The following CTR9 variants were observed in gnomAD, a reference collection of about 807,000 sequenced individuals.
The protein encoded by CTR9 is CTR9 component of Paf1/RNA polymerase II complex.
In CTR9, 41 loss-of-function variants were observed where a neutral mutation model predicts 152.1. That is an observed-to-expected ratio of 0.27 (90% confidence interval 0.21 to 0.35). CTR9 has a LOEUF of 0.35. Ranked by LOEUF, CTR9 falls within the 10% of genes least tolerant of loss-of-function variation. The pLI, the probability that CTR9 is intolerant of heterozygous loss-of-function variation, is 1.00. For synonymous variants in CTR9, 476 were observed against 496.2 expected, an observed-to-expected ratio of 0.96 and a Z score of 0.54; for missense variants, 917 against 1,424.4, an observed-to-expected ratio of 0.64 and a Z score of 5.73.
At chr11:10,755,823 A>T in intron 4 of CTR9, 28 bp downstream of exon 4, 1 of 1,414,630 alleles carries the variant, frequency 7.1e-7, no homozygotes, top group South Asian at 1.2e-5. Context: ...ACATGTTAGG[A>T]AACAGTTGTT....
intron 5 of CTR9, 81 bp from the exon 6 acceptor site, chr11:10,760,092 A>G: frequency 1.3e-6 from 2 of 1,510,402 alleles, no homozygotes; most frequent in Non-Finnish European, 1.8e-6. Flanking sequence ...GCAACTCATA[A>G]ATAGAGAATG....
At chr11:10,772,230 C>T (rs897633890) in intron 19 of CTR9, among the ~76,000 whole-genome samples, 5 of 151,992 alleles carry the variant, frequency 3.3e-5, no homozygotes, top group African/African-American at 1.2e-4. Flanking sequence ...TGGTGCACAC[C>T]TGTAATCCCA....
In CTR9 at chr11:10,771,521, GAAGTA is replaced by G. The variant is rs747560961; in HGVS notation, c.2373-23_2373-19del. On this transcript the variant is annotated intron_variant, in intron 18 of 24. Coordinates refer to ENST00000361367, the MANE Select transcript of CTR9 (RefSeq NM_014633.5). ...CATTAGAATCTCTTTTTTTAAAAGTGAAGTATTTTCTCGTTTCATTTAGATACTTC... is the reference window on the plus strand; with the variant it reads ...CATTAGAATCTCTTTTTTTAAAAGTGTTTTCTCGTTTCATTTAGATACTTC... 18 of 1,463,176 alleles carry G rather than the reference GAAGTA, an allele frequency of 1.2e-5. No homozygotes were observed. Among genetic ancestry groups the G allele is most frequent in the Admixed American group, 6.9e-5 (4 of 58,330 alleles). 90.6% of individuals were successfully genotyped at this position (1,463,176 alleles called of 1,614,324 possible).
intron 12 of CTR9, 140 bp from the exon 13 acceptor site, chr11:10,766,262 A>C (rs1376965229): frequency 3.1e-6 from 2 of 650,274 alleles, no homozygotes; most frequent in Non-Finnish European, 5.3e-6. Context: ...TGGATGATTG[A>C]TATTTTTTCA....
At chr11:10,765,754 G>T (rs1398467971) in intron 12 of CTR9, among the ~76,000 whole-genome samples, 1 of 152,166 alleles carries the variant, frequency 6.6e-6, no homozygotes, top group Non-Finnish European at 1.5e-5. Flanking sequence ...GAGCCACCGT[G>T]CCCGGCATAT....
Position 10,751,321 on chromosome 11 carries a change from G to A in CTR9, c.-92G>A, listed in dbSNP as rs1862796482. 6.5e-6 allele frequency: 9 copies of A among 1,375,012 alleles called. No individual in the cohort carries two copies. The highest frequency in any genetic ancestry group is 1.7e-5 in the Admixed American group (1 of 59,032). 85.2% of individuals were successfully genotyped at this position (1,375,012 alleles called of 1,614,324 possible). ...CGGGGCGGCAGTCAAGACCAGAGCC[G>A]GAGCCGTCACTCACCTCTGGATTAG... is the stretch of plus-strand genomic sequence containing the variant. On this transcript the variant is annotated 5_prime_UTR_variant, in exon 1 of 25. Transcript: ENST00000361367.
At chr11:10,763,949 G>T (rs1863018164) in intron 9 of CTR9, 70 bp downstream of exon 9, 2 of 1,341,446 alleles carry the variant, frequency 1.5e-6, no homozygotes, top group Admixed American at 4.1e-5. Flanking sequence ...CTCATTTCCT[G>T]TTATTGCTAG....
rs115427194 is a variant in CTR9 at position 10,770,395 on chromosome 11, G to A, written c.2226+69G>A. ...TGTATTTTTTAATTCTTCGTGATGC[G>A]TGTTCACATACCTACTACTTAATAA... On this transcript the variant is annotated intron_variant, in intron 17 of 24. Transcript: ENST00000361367. 1.4e-3 allele frequency: 2,150 copies of A among 1,568,420 alleles called. 35 individuals carry two copies. In the African/African-American group the frequency reaches 0.026, roughly 19 times the overall value.
At position 10,764,424 on chromosome 11, in the gene CTR9, A is replaced by G; in HGVS notation, c.1401A>G (p.Leu467=). ...VGALHFRLGN[L]GEAKKYFLAS... ...CCCTCCATTTTAGACTTGGAAACCT[A>G]GGGGAGGCTAAGGTAGGAAAATAGA... Residue 467 remains leucine (L), a synonymous_variant, in exon 11 of 25, where the codon CTA becomes CTG. Transcript: ENST00000361367. 1 of 1,613,738 alleles carries G rather than the reference A, an allele frequency of 6.2e-7. No individual in the cohort carries two copies.
At chr11:10,766,527 A>G in intron 13 of CTR9, 37 bp downstream of exon 13, 4 of 1,419,538 alleles carry the variant, frequency 2.8e-6, no homozygotes, top group Non-Finnish European at 1.9e-6. Context: ...AGAAATAATT[A>G]TTTTCACTTT....
At chr11:10,768,720 A>G (rs1863097463) in intron 16 of CTR9, among the ~76,000 whole-genome samples, 1 of 152,180 alleles carries the variant, frequency 6.6e-6, no homozygotes, top group South Asian at 2.1e-4. Flanking sequence ...ATCCTTTCTG[A>G]GCCAGTTTTC....
Position 10,768,326 on chromosome 11 carries a change from C to T in CTR9, c.1961-17C>T. ...CAATTAGAAAATTGTTAAGTGTGAACCTTTTTATATCTTTAGGAGCTGTTT... is the reference window on the plus strand; with the variant it reads ...CAATTAGAAAATTGTTAAGTGTGAATCTTTTTATATCTTTAGGAGCTGTTT... On this transcript the variant is annotated splice_polypyrimidine_tract_variant and intron_variant, in intron 15 of 24. Coordinates refer to ENST00000361367, the MANE Select transcript of CTR9 (RefSeq NM_014633.5). 6.2e-7 allele frequency: 1 copy of T among 1,603,648 alleles called. No homozygotes were observed. The highest frequency in any genetic ancestry group is 8.5e-7 in the Non-Finnish European group (1 of 1,176,682).
At chr11:10,768,809 A>G (rs1294749635) in intron 16 of CTR9, among the ~76,000 whole-genome samples, 1 of 152,256 alleles carries the variant, frequency 6.6e-6, no homozygotes, top group East Asian at 1.9e-4. Flanking sequence ...ACTTGGCACT[A>G]GCATGCCTAG....
Position 10,751,466 on chromosome 11 carries a change from C to T in CTR9, c.45+9C>T, listed in dbSNP as rs369782154. ...TCCGGGACACTGACGAGGTAAGTGT[C>T]GTGTATGGAGGCGGGTGGGGGCCAT... On this transcript the variant is annotated intron_variant, in intron 1 of 24. Coordinates refer to ENST00000361367, the MANE Select transcript of CTR9 (RefSeq NM_014633.5). 4.3e-6 allele frequency: 7 copies of T among 1,613,464 alleles called. No individual in the cohort carries two copies. Among genetic ancestry groups the T allele is most frequent in the Non-Finnish European group, 5.9e-6 (7 of 1,179,864 alleles).
chr11:10,769,890 G>A (rs1863116077), intron 16 of CTR9, among the ~76,000 whole-genome samples: 1 of 152,186 alleles, frequency 6.6e-6, no homozygotes, highest in African/African-American at 2.4e-5. Flanking sequence ...TGGTCAATAA[G>A]CTGATTCTAG....
chr11:10,779,105 G>A lies in CTR9; in HGVS notation c.3522G>A (p.Ter1174=), dbSNP rs751181829. Residue 1174 remains the stop codon, a stop_retained_variant, in exon 25 of 25, where the codon TAG becomes TAA. Transcript: ENST00000361367. Reference sequence around the variant, plus strand: ...AACATGGGTCAGATGATAGTGACTAGGTTTTATTTCATCAATAAGCTTCAT... The same window carrying A: ...AACATGGGTCAGATGATAGTGACTAAGTTTTATTTCATCAATAAGCTTCAT... ...GSEHGSDDSD[*] 3.2e-5 allele frequency: 51 copies of A among 1,589,430 alleles called. No individual in the cohort carries two copies. Among genetic ancestry groups the A allele is most frequent in the Non-Finnish European group, 3.9e-5 (45 of 1,164,840 alleles).
At position 10,756,814 on chromosome 11, in the gene CTR9, T is replaced by C. The variant is rs768009915; in HGVS notation, c.568T>C (p.Leu190=). The C allele has an allele frequency of 4.3e-5, 70 of 1,612,366 alleles. No homozygotes were observed. Among genetic ancestry groups the C allele is most frequent in the Non-Finnish European group, 5.1e-5 (60 of 1,178,984 alleles). ...RGALAYYKKA[L]RTNPGCPAEV... ...AGCTCTTGCTTACTATAAGAAAGCA[T>C]TGCGTACTAACCCAGGATGTCCAGG... Residue 190 remains leucine, a synonymous_variant, in exon 5 of 25, where the codon TTG becomes CTG. Coordinates refer to ENST00000361367, the MANE Select transcript of CTR9 (RefSeq NM_014633.5).
Position 10,763,521 on chromosome 11 carries a change from A to T in CTR9, c.940A>T (p.Arg314Ter). 1 of 1,604,332 alleles carries T rather than the reference A, an allele frequency of 6.2e-7. No homozygotes were observed. The highest frequency in any genetic ancestry group is 8.5e-7 in the Non-Finnish European group (1 of 1,177,196). Residue 314 changes from arginine to a stop codon, truncating the protein, a stop_gained, in exon 8 of 25, where the codon AGA (arginine) becomes TGA (stop). Coordinates refer to ENST00000361367, the MANE Select transcript of CTR9 (RefSeq NM_014633.5). LOFTEE classifies it high-confidence loss of function. ...AGCAGAGAGCTGCTATCAGCTAGCT[A>T]GATCATTCCATGTTCAGGTAATTTT... ...MQAESCYQLA[R>*]SFHVQEDYDQ...
At position 10,767,772 on chromosome 11, in the gene CTR9, G is replaced by T. The variant is rs1179513126; in HGVS notation, c.1687-34G>T. The T allele has an allele frequency of 6.3e-7, 1 of 1,596,246 alleles. No homozygotes were observed. ...TGATTGATCTCTGTCAAACTAAACTGCAGATTTTCCTTCTTCATGTATGTA... is the reference window on the plus strand; with the variant it reads ...TGATTGATCTCTGTCAAACTAAACTTCAGATTTTCCTTCTTCATGTATGTA... On this transcript the variant is annotated intron_variant, in intron 13 of 24. Transcript: ENST00000361367. This position sits in a 1 kb window ranked among gnomAD's most constrained non-coding sequence, Gnocchi z 4.0.
Sources: allele counts gnomAD v4.1 joint callset (sites outside exome capture counted in the v4.1 genomes callset), GRCh38; gene constraint gnomAD v4.1.1; non-coding constraint Gnocchi (gnomAD v3.1); transcripts MANE v1.5; gene names NCBI Gene and HGNC (gene_info 2026-07-23, HGNC 2026-07-21).